The following XYLT1 variants were observed in gnomAD, a reference collection of about 807,000 sequenced individuals.
XYLT1 encodes xylosyltransferase 1.
In XYLT1, 36 loss-of-function variants were observed where a neutral mutation model predicts 91.3. That is an observed-to-expected ratio of 0.39 (90% CI 0.30 to 0.52). The LOEUF (loss-of-function observed/expected upper bound fraction) is 0.52, where lower values mean the gene tolerates loss of function less well. Among genes scored for constraint, XYLT1 ranks in the 20% least tolerant of loss-of-function variants. The pLI, the probability that XYLT1 is intolerant of heterozygous loss-of-function variation, is 0.68. For synonymous variants in XYLT1, 588 were observed against 532.0 expected (o/e 1.11, Z -1.45); for missense variants, 1,242 against 1,284.5 (o/e 0.97, Z 0.51).
Position 17,105,929 on chromosome 16 carries a change from A to C in XYLT1, c.*2766T>G, listed in dbSNP as rs974041803. The C allele has an allele frequency of 6.6e-6, 1 of 151,966 alleles. No individual in the cohort carries two copies. Among genetic ancestry groups the C allele is most frequent in the Non-Finnish European group, 1.5e-5 (1 of 67,986 alleles). The allele number at this position is 151,966 out of a possible 1,614,324, so 9.4% of individuals were successfully genotyped here. A position where few individuals can be genotyped will look rare whatever the true frequency, so the allele number is the denominator to read the frequency against. ...TTTGGGATTTTCCTTAAAAAAAAAAACAAAACACAAAAACACAACAAATGT... is the reference window on the plus strand; with the variant it reads ...TTTGGGATTTTCCTTAAAAAAAAAACCAAAACACAAAAACACAACAAATGT... On this transcript the variant is annotated 3_prime_UTR_variant, in exon 12 of 12. Coordinates refer to ENST00000261381, the MANE Select transcript of XYLT1 (RefSeq NM_022166.4).
In XYLT1 at chr16:17,259,268, T is replaced by C. The variant is rs757717710; in HGVS notation, c.633A>G (p.Lys211=). 17 of 1,614,076 alleles carry C rather than the reference T, an allele frequency of 1.1e-5. No homozygotes were observed. The highest frequency in any genetic ancestry group is 1.4e-5 in the Non-Finnish European group (17 of 1,180,006). ...CGGGAGGCAGCACCTCACCGGGGCCTTTCCCAGGGAATGTATGTCCTTTTC... is the reference window on the plus strand; with the variant it reads ...CGGGAGGCAGCACCTCACCGGGGCCCTTCCCAGGGAATGTATGTCCTTTTC... ...EKGKGHTFPG[K]GPGEVLPPGD... The change falls in exon 3 of 12, where the codon AAA becomes AAG. Residue 211 remains lysine, a synonymous_variant. Transcript: ENST00000261381.
At chr16:17,253,630 T>C (rs2033578983) in intron 3 of XYLT1, among the ~76,000 whole-genome samples, 1 of 152,100 alleles carries the variant, frequency 6.6e-6, no homozygotes, top group Non-Finnish European at 1.5e-5. Flanking sequence ...ATGATGCTCA[T>C]CTCCCCTTTA....
chr16:17,136,547 C>T (rs185005906), intron 8 of XYLT1, among the ~76,000 whole-genome samples: 9 of 152,128 alleles, frequency 5.9e-5, no homozygotes, highest in Non-Finnish European at 8.8e-5. Context: ...GGGTTACTAG[C>T]ATAGTGTCTA....
Position 17,165,618 on chromosome 16 carries a change from G to A in XYLT1, c.1290-6709C>T, listed in dbSNP as rs558541728. 6.1e-4 allele frequency among the ~76,000 whole-genome samples: 93 copies of A among 152,306 alleles called. 2 individuals carry two copies. In the South Asian group the frequency reaches 0.014, roughly 23 times the overall value. On this transcript the variant is annotated intron_variant, in intron 5 of 11. Coordinates refer to ENST00000261381, the MANE Select transcript of XYLT1 (RefSeq NM_022166.4). ...GAGGCATGAGAATTGCTTGAACCTG[G>A]GAGGCGGAGGTTGAAGTGAGCCGAG... is the stretch of plus-strand genomic sequence containing the variant.
chr16:17,419,831 T>C (rs2036229071), intron 1 of XYLT1, among the ~76,000 whole-genome samples: 1 of 152,170 alleles, frequency 6.6e-6, no homozygotes, highest in Admixed American at 6.5e-5. Context: ...GATTTGAGTA[T>C]GGAATGACCT....
chr16:17,426,694 C>T (rs1432038266), intron 1 of XYLT1, among the ~76,000 whole-genome samples: 1 of 152,216 alleles, frequency 6.6e-6, no homozygotes, highest in Non-Finnish European at 1.5e-5. Context: ...GTTATTGCCT[C>T]TGACTGCTTT....
intron 3 of XYLT1, among the ~76,000 whole-genome samples, chr16:17,224,633 GAAGCCTCCT>G (rs2033031038): frequency 6.6e-6 from 1 of 152,118 alleles, no homozygotes; most frequent in South Asian, 2.1e-4. Context: ...ATGAACTCTT[GAAGCCTCCT>G]CAGCTTCCAA....
chr16:17,152,929 T>A (rs911637238), intron 6 of XYLT1, among the ~76,000 whole-genome samples: 1 of 152,238 alleles, frequency 6.6e-6, no homozygotes, highest in African/African-American at 2.4e-5. Context: ...TTGTTGTCGA[T>A]ACATATAAGG....
rs548289624 is a variant in XYLT1 at position 17,370,230 on chromosome 16, C to A, written c.364-12180G>T. Among the ~76,000 whole-genome samples the A allele has an allele frequency of 3.9e-5, 6 of 152,286 alleles. No homozygotes were observed. The South Asian group carries it at 1.2e-3, about 32-fold the overall frequency. On this transcript the variant is annotated intron_variant, in intron 1 of 11. Transcript: ENST00000261381. The stretch of plus-strand genomic sequence containing the variant: ...AAGCCAAATTTGCCAGACCTCATGC[C>A]AAGGTCAGGCAAGAGCCTGAGATCC...
intron 2 of XYLT1, 83 bp downstream of exon 2, chr16:17,357,929 C>T (rs2035324210): frequency 6.6e-7 from 1 of 1,506,242 alleles, no homozygotes; most frequent in Non-Finnish European, 9.1e-7. Context: ...GCCTGTCCAG[C>T]CTTTCAGAGC....
chr16:17,127,659 C>T lies in XYLT1; in HGVS notation c.2223+7G>A, dbSNP rs1045595899. 1.1e-5 allele frequency: 17 copies of T among 1,612,530 alleles called. No homozygotes were observed. The highest frequency in any genetic ancestry group is 5.3e-5 in the African/African-American group (4 of 74,780). On this transcript the variant is annotated splice_region_variant and intron_variant, in intron 10 of 11. Coordinates refer to ENST00000261381, the MANE Select transcript of XYLT1 (RefSeq NM_022166.4). ...ACAATGAAATGTGACAAGACCTGGC[C>T]TCTTACCTCGGAAAACTGAAGCCTC...
intron 1 of XYLT1, among the ~76,000 whole-genome samples, chr16:17,369,131 T>TC (rs1491095630): frequency 1.5e-5 from 1 of 64,578 alleles, no homozygotes; most frequent in African/African-American, 5.2e-5. Context: ...AAAATACTTC[T>TC]TTTTTTTTTT....
chr16:17,162,264 G>A (rs2031573139), intron 5 of XYLT1, among the ~76,000 whole-genome samples: 1 of 152,014 alleles, frequency 6.6e-6, no homozygotes. Context: ...AAACAAATTA[G>A]CCAGGTGTGG....
At position 17,108,708 on chromosome 16, in the gene XYLT1, C is replaced by T; in HGVS notation, c.2867G>A (p.Gly956Asp). Reference protein sequence around the residue: ...KSELGAVKPDGRLR With the variant: ...KSELGAVKPDDRLR ...TCGTGCCCAGTGCTACCTGAGCCGG[C>T]CATCAGGTTTGACTGCCCCCAGCTC... The change falls in exon 12 of 12, where the codon GGC becomes GAC. Residue 956 changes from glycine to aspartate, a missense_variant. Around this residue, in one of 3 missense-constraint regions of XYLT1, gnomAD observed 511 missense variants for 497.0 expected, o/e 1.03. Transcript: ENST00000261381. 2 of 1,578,812 alleles carry T rather than the reference C, an allele frequency of 1.3e-6. No individual in the cohort carries two copies. The highest frequency in any genetic ancestry group is 1.7e-6 in the Non-Finnish European group (2 of 1,163,644).
At chr16:17,122,158 T>C (rs1320265630) in intron 10 of XYLT1, among the ~76,000 whole-genome samples, 1 of 152,230 alleles carries the variant, frequency 6.6e-6, no homozygotes, top group African/African-American at 2.4e-5. Context: ...GAACTACTTG[T>C]AGTTCTTTAA....
chr16:17,113,824 G>A (rs1966847004), intron 11 of XYLT1, among the ~76,000 whole-genome samples: 1 of 152,234 alleles, frequency 6.6e-6, no homozygotes, highest in African/African-American at 2.4e-5. Flanking sequence ...CAGGGTTCAA[G>A]GAGCTTCTGG....
intron 3 of XYLT1, among the ~76,000 whole-genome samples, chr16:17,229,877 GTTAAA>G (rs2033132558): frequency 6.6e-6 from 1 of 152,194 alleles, no homozygotes; most frequent in Admixed American, 6.5e-5. Context: ...GATATAATTA[GTTAAA>G]TTAAGATGAG....
chr16:17,219,529 A>G (rs1223760492), intron 3 of XYLT1, among the ~76,000 whole-genome samples: 1 of 152,162 alleles, frequency 6.6e-6, no homozygotes, highest in Non-Finnish European at 1.5e-5. Flanking sequence ...TTGGTTTGAG[A>G]GCTCCAGGCA....
intron 2 of XYLT1, among the ~76,000 whole-genome samples, chr16:17,348,237 G>C (rs769916811): frequency 6.6e-6 from 1 of 152,040 alleles, no homozygotes; most frequent in Non-Finnish European, 1.5e-5. Context: ...GCACAAAGAG[G>C]GCGTGCGGGG....
Sources: gnomAD v4.1 joint callset for allele counts (sites outside exome capture counted in the v4.1 genomes callset) on GRCh38, gnomAD v4.1.1 for gene constraint, gnomAD v4.1.1 regional missense constraint, MANE v1.5 for transcripts, NCBI Gene and HGNC (gene_info 2026-07-23, HGNC 2026-07-21) for gene names.